Variants in ELAVL1 observed in about 807,000 individuals in gnomAD.
ELAVL1 encodes the protein ELAV like RNA binding protein 1, also known as ELAV-like protein 1.
Under a neutral mutation model 28.4 loss-of-function variants are expected in ELAVL1, and 1 was observed. That is an observed-to-expected ratio of 0.04 (90% CI 0.01 to 0.17). The LOEUF (loss-of-function observed/expected upper bound fraction) is 0.17. Ranked by LOEUF, ELAVL1 falls within the 10% of genes least tolerant of loss-of-function variation. The pLI, the probability that ELAVL1 is intolerant of heterozygous loss-of-function variation, is 1.00. For synonymous variants in ELAVL1, 174 were observed against 183.5 expected, an observed-to-expected ratio of 0.95 and a Z score of 0.42; for missense variants, 157 against 447.2, an observed-to-expected ratio of 0.35 and a Z score of 5.85.
chr19:7,986,776 A>C (rs1437486188), intron 2 of ELAVL1, among the ~76,000 whole-genome samples: 1 of 152,218 alleles, frequency 6.6e-6, no homozygotes, highest in Non-Finnish European at 1.5e-5. Context: ...TGTTCAGCGA[A>C]GTGGAAAAAT....
intron 1 of ELAVL1, among the ~76,000 whole-genome samples, chr19:8,004,806 C>T (rs115406633): frequency 0.011 from 1,627 of 152,248 alleles, 25 homozygotes; most frequent in African/African-American, 0.038. Flanking sequence ...TTTAACAAGC[C>T]CCGCAGCCCA....
intron 1 of ELAVL1, among the ~76,000 whole-genome samples, chr19:7,995,856 G>T (rs1166089822): frequency 6.7e-6 from 1 of 150,142 alleles, no homozygotes; most frequent in Non-Finnish European, 1.5e-5. Context: ...GATACTGCTA[G>T]GAGAATTAAA....
chr19:7,968,837 G>A (rs551394251), intron 4 of ELAVL1, among the ~76,000 whole-genome samples: 12 of 152,334 alleles, frequency 7.9e-5, no homozygotes, highest in Admixed American at 7.8e-4. Flanking sequence ...GTCCCTTGAG[G>A]AACCTGGGAA....
intron 2 of ELAVL1, among the ~76,000 whole-genome samples, chr19:7,983,040 G>A (rs12978895): frequency 0.21 from 31,241 of 152,172 alleles, 4,013 homozygotes; most frequent in East Asian, 0.49. Context: ...ACTGCCCTCC[G>A]CGGAAGGAAG....
chr19:7,985,694 T>C (rs1985581412), intron 2 of ELAVL1, among the ~76,000 whole-genome samples: 1 of 151,620 alleles, frequency 6.6e-6, no homozygotes, highest in South Asian at 2.1e-4. Flanking sequence ...GGATGGGAGA[T>C]GGGATGGAGA....
intron 1 of ELAVL1, among the ~76,000 whole-genome samples, chr19:7,994,450 A>G (rs751929728): frequency 9.8e-5 from 15 of 152,362 alleles, no homozygotes; most frequent in Middle Eastern, 3.4e-3. Context: ...AACATCTACA[A>G]ATTGGTAAGG....
intron 1 of ELAVL1, among the ~76,000 whole-genome samples, chr19:7,996,158 A>C (rs2081047266): frequency 6.6e-6 from 1 of 151,734 alleles, no homozygotes; most frequent in Non-Finnish European, 1.5e-5. Flanking sequence ...TTATAGGCGT[A>C]AGCCACCTCA....
chr19:7,987,361 T>C (rs190005802), intron 2 of ELAVL1, among the ~76,000 whole-genome samples: 2 of 152,174 alleles, frequency 1.3e-5, no homozygotes, highest in African/African-American at 4.8e-5. Context: ...GAGGGACATA[T>C]GGGGCCACTG....
At chr19:7,992,999 C>A (rs1985791642) in intron 1 of ELAVL1, among the ~76,000 whole-genome samples, 2 of 152,122 alleles carry the variant, frequency 1.3e-5, no homozygotes, top group Admixed American at 1.3e-4. Context: ...GAACTCCTGG[C>A]CTCAAGTAAT....
intron 3 of ELAVL1, among the ~76,000 whole-genome samples, chr19:7,980,786 G>A (rs1233291607): frequency 1.3e-5 from 2 of 152,216 alleles, no homozygotes; most frequent in Non-Finnish European, 2.9e-5. Context: ...GGGAGCACTG[G>A]GCAGGCTGGG....
chr19:7,990,626 A>G (rs1427516587), intron 2 of ELAVL1, among the ~76,000 whole-genome samples: 1 of 152,142 alleles, frequency 6.6e-6, no homozygotes, highest in Non-Finnish European at 1.5e-5. Context: ...TCGACCTCCC[A>G]AAGTGCTGGG....
At chr19:8,002,251 C>A in intron 1 of ELAVL1, 1 of 601,570 alleles carries the variant, frequency 1.7e-6, no homozygotes. Context: ...CTGGTTAGCT[C>A]CTCCCCACCG....
rs948725643 is a variant in ELAVL1, at chr19:7,965,285, A to G, written c.657-1478T>C. ...TAAGAAGAAAGGGTCTATGTTGTCC[A>G]GGCTGGTCTCAAATTCCTGGGCTCA... On this transcript the variant is annotated intron_variant, in intron 5 of 5. Transcript: ENST00000407627. Among the ~76,000 whole-genome samples, 4 of 152,322 alleles carry G rather than the reference A, an allele frequency of 2.6e-5. No homozygotes were observed. The East Asian group carries it at 5.8e-4, about 22-fold the overall frequency.
intron 5 of ELAVL1, 60 bp downstream of exon 5, chr19:7,967,505 G>A: frequency 1.9e-6 from 3 of 1,559,676 alleles, no homozygotes; most frequent in Non-Finnish European, 2.6e-6. Context: ...CTGTGGCTGT[G>A]CCGTCGCCTG....
At chr19:7,977,210 T>A (rs1278071867) in intron 3 of ELAVL1, among the ~76,000 whole-genome samples, 2 of 152,172 alleles carry the variant, frequency 1.3e-5, no homozygotes, top group African/African-American at 4.8e-5. Flanking sequence ...TGACAGGAGT[T>A]CTGCTGTTCT....
chr19:7,961,604 T>C lies in ELAVL1; in HGVS notation c.*1879A>G, dbSNP rs982987212. ...CCTCGGTTTTGGCTTTTCCTGAGGATCTGGGATTCTGTGGGAGAAAGGAGG... is the reference window on the plus strand; with the variant it reads ...CCTCGGTTTTGGCTTTTCCTGAGGACCTGGGATTCTGTGGGAGAAAGGAGG... On this transcript the variant is annotated 3_prime_UTR_variant, in exon 6 of 6. Coordinates refer to ENST00000407627, the MANE Select transcript of ELAVL1 (RefSeq NM_001419.3). The C allele has an allele frequency of 2.0e-5, 3 of 152,190 alleles. No individual in the cohort carries two copies. The highest frequency in any genetic ancestry group is 7.2e-5 in the African/African-American group (3 of 41,446). 9.4% of individuals were successfully genotyped at this position (152,190 alleles called of 1,614,324 possible).
Position 7,982,822 on chromosome 19 carries a change from C to T in ELAVL1, c.173-1636G>A, listed in dbSNP as rs765330778. On this transcript the variant is annotated intron_variant, in intron 2 of 5. Transcript: ENST00000407627. This position sits in a 1 kb window ranked among gnomAD's most constrained non-coding sequence, Gnocchi z 4.3. The stretch of plus-strand genomic sequence containing the variant: ...AGTTTCTTGTTTCTCGTGACTGTGA[C>T]GGTTTTGAGGACTGGTCGGACATCC... Among the ~76,000 whole-genome samples the T allele has an allele frequency of 3.9e-5, 6 of 152,178 alleles. No homozygotes were observed. The highest frequency in any genetic ancestry group is 2.1e-4 in the South Asian group (1 of 4,830).
chr19:8,002,054 G>A (rs1300633973), intron 1 of ELAVL1: 2 of 1,289,170 alleles, frequency 1.6e-6, no homozygotes, highest in Non-Finnish European at 2.0e-6. Flanking sequence ...TGGCCTACCT[G>A]CAGGGTAACA....
At chr19:7,968,613 C>A (rs1183467761) in intron 4 of ELAVL1, among the ~76,000 whole-genome samples, 1 of 152,226 alleles carries the variant, frequency 6.6e-6, no homozygotes. Context: ...CTTGCCACCT[C>A]AACTGAGCCA....
Sources: allele counts gnomAD v4.1 joint callset (sites outside exome capture counted in the v4.1 genomes callset), GRCh38; gene constraint gnomAD v4.1.1; non-coding constraint Gnocchi (gnomAD v3.1); transcripts MANE v1.5; gene names NCBI Gene and HGNC (gene_info 2026-07-23, HGNC 2026-07-21).